Variants in FGF14 observed in about 807,000 individuals in gnomAD.
The protein encoded by FGF14 is fibroblast growth factor 14, also known as fibroblast growth factor homologous factor 4.
In FGF14, 5 loss-of-function variants were observed where a neutral mutation model predicts 25.5. The observed-to-expected ratio is 0.20, with a 90% CI of 0.10 to 0.41. The LOEUF (loss-of-function observed/expected upper bound fraction) is 0.41, where lower values mean the gene tolerates loss of function less well. Among genes scored for constraint, FGF14 ranks in the 10% least tolerant of loss-of-function variants. The probability of loss-of-function intolerance (pLI) is 1.00; values close to 1 mark genes in which losing one functional copy is unlikely to be tolerated. For missense variants in FGF14, 222 were observed against 320.1 expected, an observed-to-expected ratio of 0.69 and a Z score of 2.34; for synonymous variants, 138 against 118.3, an observed-to-expected ratio of 1.17 and a Z score of -1.08.
At position 101,907,457 on chromosome 13, in the gene FGF14, T is replaced by C. The variant is rs1594681809; in HGVS notation, c.193+8996A>G. On this transcript the variant is annotated intron_variant, in intron 1 of 4. Coordinates refer to ENST00000376143, the MANE Select transcript of FGF14 (RefSeq NM_004115.4). ...CACTTTGTAGTAAAAAATACAAATTTATTATGAAAATTTGAATGCCAAATA... is the reference window on the plus strand; with the variant it reads ...CACTTTGTAGTAAAAAATACAAATTCATTATGAAAATTTGAATGCCAAATA... Among the ~76,000 whole-genome samples the C allele has an allele frequency of 5.3e-5, 8 of 152,148 alleles. No homozygotes were observed. The South Asian group carries it at 1.7e-3, about 32-fold the overall frequency.
upstream of FGF14, among the ~76,000 whole-genome samples, chr13:101,918,180 G>A (rs555523490): frequency 6.6e-6 from 1 of 152,288 alleles, no homozygotes; most frequent in African/African-American, 2.4e-5. Context: ...GAGAAAGGGC[G>A]GCAGTGGAGG....
intron 1 of FGF14, among the ~76,000 whole-genome samples, chr13:101,929,739 A>T (rs1226109974): frequency 6.6e-6 from 1 of 152,234 alleles, no homozygotes; most frequent in African/African-American, 2.4e-5. Context: ...AAATATATAC[A>T]TATATGCACA....
chr13:101,785,864 A>G (rs1443086837), intron 3 of FGF14, among the ~76,000 whole-genome samples: 1 of 152,190 alleles, frequency 6.6e-6, no homozygotes, highest in Non-Finnish European at 1.5e-5. Flanking sequence ...TTTAATAACA[A>G]TGCATGGACC....
chr13:101,950,120 T>C (rs1193748900), intron 1 of FGF14, among the ~76,000 whole-genome samples: 1 of 152,158 alleles, frequency 6.6e-6, no homozygotes, highest in Non-Finnish European at 1.5e-5. Context: ...AGTCATCTTG[T>C]ACCTACCAGA....
chr13:101,914,149 A>T (rs2033233286), intron 1 of FGF14, among the ~76,000 whole-genome samples: 1 of 151,704 alleles, frequency 6.6e-6, no homozygotes, highest in Non-Finnish European at 1.5e-5. Flanking sequence ...GTGTAATAAG[A>T]AGGTAAATAT....
chr13:102,134,033 T>A (rs2046309709), intron 1 of FGF14, among the ~76,000 whole-genome samples: 1 of 152,226 alleles, frequency 6.6e-6, no homozygotes, highest in South Asian at 2.1e-4. Context: ...TATTTTTATG[T>A]AGTGTTTATT....
intron 1 of FGF14, among the ~76,000 whole-genome samples, chr13:102,107,186 G>A (rs752062285): frequency 3.9e-5 from 6 of 152,098 alleles, no homozygotes; most frequent in Admixed American, 6.5e-5. Flanking sequence ...TTAAAAAAAC[G>A]AATTAAACAG....
chr13:102,073,954 C>T (rs1375223824), intron 1 of FGF14, among the ~76,000 whole-genome samples: 1 of 152,070 alleles, frequency 6.6e-6, no homozygotes, highest in African/African-American at 2.4e-5. Context: ...TCATTCGCTC[C>T]CTCTCTCTCT....
At chr13:101,996,361 C>G (rs1048102904) in intron 1 of FGF14, among the ~76,000 whole-genome samples, 26 of 151,908 alleles carry the variant, frequency 1.7e-4, no homozygotes, top group Admixed American at 2.0e-4. Flanking sequence ...GTGACTAATT[C>G]CCTTATTTTT....
intron 1 of FGF14, among the ~76,000 whole-genome samples, chr13:102,147,980 A>G (rs2046922425): frequency 3.3e-5 from 5 of 152,248 alleles, no homozygotes; most frequent in Admixed American, 3.3e-4. Flanking sequence ...AATGTCCAAA[A>G]TGTAGCAATT....
At chr13:102,378,595 A>ATCTC (rs375812322) in intron 1 of FGF14, among the ~76,000 whole-genome samples, 1 of 140,358 alleles carries the variant, frequency 7.1e-6, no homozygotes, top group African/African-American at 2.8e-5. Context: ...ATATATATCT[A>ATCTC]TATCTATCTA....
intron 1 of FGF14, among the ~76,000 whole-genome samples, chr13:102,267,190 G>A (rs1028660432): frequency 1.3e-5 from 2 of 151,874 alleles, no homozygotes; most frequent in African/African-American, 4.8e-5. Context: ...CAACTATTGG[G>A]TTAGAATTAT....
intron 1 of FGF14, among the ~76,000 whole-genome samples, chr13:101,959,967 ATTAAT>A (rs1187643169): frequency 6.6e-6 from 1 of 152,214 alleles, no homozygotes; most frequent in South Asian, 2.1e-4. Flanking sequence ...GTGTCTGTAA[ATTAAT>A]TTAATAATCT....
At chr13:102,197,501 A>G (rs888849823) in intron 1 of FGF14, among the ~76,000 whole-genome samples, 8 of 152,004 alleles carry the variant, frequency 5.3e-5, no homozygotes, top group Non-Finnish European at 8.8e-5. Flanking sequence ...GAACTGGTTG[A>G]GCTCTCTTGC....
intron 1 of FGF14, among the ~76,000 whole-genome samples, chr13:102,081,648 G>A (rs78366318): frequency 1.3e-5 from 2 of 151,916 alleles, no homozygotes; most frequent in African/African-American, 4.8e-5. Context: ...GACATTTTAC[G>A]AGTTTAAGAT....
At chr13:101,823,849 T>C (rs1389856582) in intron 3 of FGF14, among the ~76,000 whole-genome samples, 1 of 149,530 alleles carries the variant, frequency 6.7e-6, no homozygotes, top group African/African-American at 2.4e-5. Flanking sequence ...AGTATCTATA[T>C]TTAGTATAAA....
intron 1 of FGF14, among the ~76,000 whole-genome samples, chr13:102,057,569 T>C (rs190875160): frequency 4.6e-4 from 70 of 152,326 alleles, no homozygotes; most frequent in African/African-American, 1.6e-3. Context: ...TTTTTAATAC[T>C]GTATTCTCAG....
intron 3 of FGF14, among the ~76,000 whole-genome samples, chr13:101,823,192 TTA>T (rs2042239324): frequency 6.6e-6 from 1 of 152,048 alleles, no homozygotes; most frequent in South Asian, 2.1e-4. Context: ...TTGTGTGGAT[TTA>T]TGTTTGCATT....
chr13:102,369,839 C>A (rs2057823375), intron 1 of FGF14, among the ~76,000 whole-genome samples: 1 of 152,092 alleles, frequency 6.6e-6, no homozygotes. Flanking sequence ...ACAAGAAAGT[C>A]CTTACATATA....
Sources: gnomAD v4.1 joint callset for allele counts (sites outside exome capture counted in the v4.1 genomes callset) on GRCh38, gnomAD v4.1.1 for gene constraint, MANE v1.5 for transcripts, NCBI Gene and HGNC (gene_info 2026-07-23, HGNC 2026-07-21) for gene names.